The following MTERF3 variants were observed in gnomAD, a reference collection of about 807,000 sequenced individuals.
The protein encoded by MTERF3 is transcription termination factor 3, mitochondrial.
Under a neutral mutation model 40.5 loss-of-function variants are expected in MTERF3, and 40 were observed. The observed-to-expected ratio is 0.99, with a 90% CI of 0.77 to 1.29. The LOEUF (loss-of-function observed/expected upper bound fraction) is 1.29, where lower values mean the gene tolerates loss of function less well. Ranked by LOEUF, MTERF3 falls within the 50% of genes most tolerant of loss-of-function variation. The probability of loss-of-function intolerance (pLI) is 0.00; values close to 1 mark genes in which losing one functional copy is unlikely to be tolerated. For synonymous variants in MTERF3, 158 were observed against 166.6 expected (o/e 0.95, Z 0.40); for missense variants, 452 against 478.2 (o/e 0.95, Z 0.51).
chr8:96,240,034 G>A (rs535682011), intron 7 of MTERF3, among the ~76,000 whole-genome samples: 3 of 152,160 alleles, frequency 2.0e-5, no homozygotes, highest in Non-Finnish European at 4.4e-5. Context: ...GATCATCTGA[G>A]GTCAGGAATT....
At chr8:96,239,738 A>C in intron 7 of MTERF3, 53 bp from the exon 8 acceptor site, 1 of 1,455,946 alleles carries the variant, frequency 6.9e-7, no homozygotes, top group Non-Finnish European at 9.3e-7. Flanking sequence ...AGGATGAAAT[A>C]TTAAAAAGTT....
intron 7 of MTERF3, among the ~76,000 whole-genome samples, chr8:96,240,908 G>T (rs994447970): frequency 1.1e-4 from 17 of 152,036 alleles, no homozygotes; most frequent in Admixed American, 2.6e-4. Flanking sequence ...ACTATGAGAA[G>T]AGTGACTAAA....
At chr8:96,250,685 A>G (rs868037872) in intron 4 of MTERF3, among the ~76,000 whole-genome samples, 13 of 30,020 alleles carry the variant, frequency 4.3e-4, no homozygotes, top group African/African-American at 1.9e-3. Context: ...AAGAAGAAGG[A>G]GGAGGAGGAG....
intron 4 of MTERF3, among the ~76,000 whole-genome samples, chr8:96,250,031 A>G (rs565004186): frequency 1.3e-5 from 2 of 152,146 alleles, no homozygotes; most frequent in Admixed American, 6.5e-5. Flanking sequence ...GGTATTCCCA[A>G]TGCCTAGCAG....
intron 4 of MTERF3, among the ~76,000 whole-genome samples, chr8:96,250,685 A>AAGAG (rs1810158654): frequency 3.3e-5 from 1 of 29,992 alleles, no homozygotes; most frequent in African/African-American, 1.6e-4. Flanking sequence ...AAGAAGAAGG[A>AAGAG]GGAGGAGGAG....
In MTERF3 at chr8:96,252,587, T is replaced by G. The variant is rs145930176; in HGVS notation, c.488-1492A>C. ...GGTAAGAGGTCCTTCTCTTATAATATCTGCACTTTTGACAACCGGATGTAA... is the reference window on the plus strand; with the variant it reads ...GGTAAGAGGTCCTTCTCTTATAATAGCTGCACTTTTGACAACCGGATGTAA... On this transcript the variant is annotated intron_variant, in intron 3 of 7. Coordinates refer to ENST00000287025, the MANE Select transcript of MTERF3 (RefSeq NM_015942.5). Among the ~76,000 whole-genome samples, 15 of 152,346 alleles carry G rather than the reference T, an allele frequency of 9.8e-5. No individual in the cohort carries two copies. The East Asian group carries it at 2.9e-3, about 29-fold the overall frequency.
chr8:96,245,183 G>C (rs1313212364), intron 6 of MTERF3, among the ~76,000 whole-genome samples: 2 of 152,094 alleles, frequency 1.3e-5, no homozygotes, highest in African/African-American at 4.8e-5. Context: ...TGTCTCCTCA[G>C]CATGGCGCTT....
intron 3 of MTERF3, among the ~76,000 whole-genome samples, chr8:96,253,160 G>A (rs371456293): frequency 6.6e-6 from 1 of 152,102 alleles, no homozygotes; most frequent in South Asian, 2.1e-4. Flanking sequence ...TATACAACGT[G>A]CCCTGGAAAG....
chr8:96,251,941 G>A (rs951792432), intron 3 of MTERF3, among the ~76,000 whole-genome samples: 10 of 152,288 alleles, frequency 6.6e-5, no homozygotes, highest in East Asian at 1.9e-4. Flanking sequence ...CCCATGTGTC[G>A]TGGGAGGGAC....
At chr8:96,260,812 G>A (rs1357643370) in intron 1 of MTERF3, among the ~76,000 whole-genome samples, 4 of 152,226 alleles carry the variant, frequency 2.6e-5, no homozygotes, top group East Asian at 3.8e-4. Context: ...GAGCAGAGCT[G>A]GGTCTCATCC....
rs1404313586 is a variant in MTERF3, at chr8:96,250,950, T to C, written c.633A>G (p.Lys211=). 6.2e-7 allele frequency: 1 copy of C among 1,609,388 alleles called. No homozygotes were observed. Among genetic ancestry groups the C allele is most frequent in the Admixed American group, 1.7e-5 (1 of 58,692 alleles). The change falls in exon 4 of 8, where the codon AAA becomes AAG. Residue 211 remains lysine, a synonymous_variant. Transcript: ENST00000287025. ...GGTCTTCAGAGAAAATTGCATGATT[T>C]TTTGTCAGGAATGCTCCCAGTTGGT... ...EDNQLGAFLT[K]NHAIFSEDLE...
At chr8:96,256,244 G>A (rs1174811951) in intron 3 of MTERF3, among the ~76,000 whole-genome samples, 1 of 152,196 alleles carries the variant, frequency 6.6e-6, no homozygotes, top group Non-Finnish European at 1.5e-5. Context: ...ACAAGTGAAG[G>A]CAGCTATAGA....
chr8:96,244,084 A>G lies in MTERF3; in HGVS notation c.898-4T>C, dbSNP rs1171261919. On this transcript the variant is annotated splice_region_variant and splice_polypyrimidine_tract_variant and intron_variant, in intron 6 of 7. Coordinates refer to ENST00000287025, the MANE Select transcript of MTERF3 (RefSeq NM_015942.5). ...AACCAAGTTCAAGACGATAAACCTA[A>G]AAGAAAGTAAATTTGCTATGAATCG... is the stretch of plus-strand genomic sequence containing the variant. The G allele has an allele frequency of 1.2e-6, 2 of 1,605,744 alleles. No individual in the cohort carries two copies. The highest frequency in any genetic ancestry group is 2.7e-5 in the African/African-American group (2 of 74,574).
intron 6 of MTERF3, among the ~76,000 whole-genome samples, chr8:96,244,553 A>G (rs1237006617): frequency 1.3e-5 from 2 of 151,496 alleles, no homozygotes; most frequent in Non-Finnish European, 2.9e-5. Context: ...GGTGCCCACC[A>G]CCATGCCTGG....
Position 96,246,430 on chromosome 8 carries a change from A to G in MTERF3, c.702T>C (p.Asn234=), listed in dbSNP as rs777211848. Reference sequence around the variant, plus strand: ...TCTGTGCAACATCTGCTTTACTGAAATTTTTTGAATGCAGATAAGCCACCC... The same window carrying G: ...TCTGTGCAACATCTGCTTTACTGAAGTTTTTTGAATGCAGATAAGCCACCC... ...KTRVAYLHSK[N]FSKADVAQMV... Residue 234 remains asparagine, a synonymous_variant, in exon 5 of 8, where the codon AAT becomes AAC. Transcript: ENST00000287025. 6.2e-7 allele frequency: 1 copy of G among 1,610,246 alleles called. No homozygotes were observed. The highest frequency in any genetic ancestry group is 1.1e-5 in the South Asian group (1 of 90,222).
chr8:96,255,276 TAG>T (rs780042113), intron 3 of MTERF3, among the ~76,000 whole-genome samples: 4 of 151,820 alleles, frequency 2.6e-5, no homozygotes, highest in Admixed American at 6.6e-5. Context: ...TTGAAAGAAA[TAG>T]AGAGGGTAGA....
rs908372894 is a variant in MTERF3, at chr8:96,257,029, T to A, written c.420A>T (p.Pro140=). 1 of 1,613,956 alleles carries A rather than the reference T, an allele frequency of 6.2e-7. No homozygotes were observed. The highest frequency in any genetic ancestry group is 1.3e-5 in the African/African-American group (1 of 74,948). Residue 140 remains proline, a synonymous_variant, in exon 3 of 8, where the codon CCA becomes CCT. Transcript: ENST00000287025. ...AGTCTCGAAGTGTGAATGAAGCTGGTGGCAATGGAGGGTCTGCAATAATCT... is the reference window on the plus strand; with the variant it reads ...AGTCTCGAAGTGTGAATGAAGCTGGAGGCAATGGAGGGTCTGCAATAATCT... ...AIQIIADPPL[P]PASFTLRDYV...
intron 7 of MTERF3, 133 bp from the exon 8 acceptor site, chr8:96,239,818 T>C (rs1416104969): frequency 4.2e-6 from 3 of 717,218 alleles, no homozygotes; most frequent in East Asian, 2.7e-5. Context: ...GTAGGATAAA[T>C]GCCAGAGGAT....
intron 6 of MTERF3, 101 bp from the exon 7 acceptor site, chr8:96,244,181 G>A (rs1279646716): frequency 2.5e-5 from 23 of 929,924 alleles, no homozygotes; most frequent in South Asian, 3.5e-5. Flanking sequence ...GATGGAGCTC[G>A]CTATGTTGCC....
Sources: allele counts gnomAD v4.1 joint callset (sites outside exome capture counted in the v4.1 genomes callset), GRCh38; gene constraint gnomAD v4.1.1; transcripts MANE v1.5; gene names NCBI Gene and HGNC (gene_info 2026-07-23, HGNC 2026-07-21).